The following FARS2 variants were observed in gnomAD, a reference collection of about 807,000 sequenced individuals.
The protein encoded by FARS2 is phenylalanine--tRNA ligase, mitochondrial.
Under a neutral mutation model 46.4 loss-of-function variants are expected in FARS2, and 40 were observed. That is an observed-to-expected ratio of 0.86 (90% CI 0.67 to 1.12). The LOEUF is 1.12. FARS2 is among the 50% of genes most tolerant of loss of function. The pLI, the probability that FARS2 is intolerant of heterozygous loss-of-function variation, is 0.00. For synonymous variants in FARS2, 234 were observed against 214.9 expected (o/e 1.09, Z -0.78); for missense variants, 513 against 567.9 (o/e 0.90, Z 0.98).
Position 5,478,738 on chromosome 6 carries a change from T to C in FARS2, c.904+47566T>C, listed in dbSNP as rs547316657. 3.3e-5 allele frequency among the ~76,000 whole-genome samples: 5 copies of C among 152,252 alleles called. No homozygotes were observed. In the South Asian group the frequency reaches 1.0e-3, roughly 32 times the overall value. Reference sequence around the variant, plus strand: ...GCTTCCCTGGCTTCCCCCAAATTAGTGCTCTTCGGGCTGTGTATACCTAGT... The same window carrying C: ...GCTTCCCTGGCTTCCCCCAAATTAGCGCTCTTCGGGCTGTGTATACCTAGT... On this transcript the variant is annotated intron_variant, in intron 4 of 6. Transcript: ENST00000274680.
At chr6:5,366,687 G>C (rs1253479424) in intron 1 of FARS2, among the ~76,000 whole-genome samples, 1 of 152,160 alleles carries the variant, frequency 6.6e-6, no homozygotes, top group African/African-American at 2.4e-5. Context: ...CTGGAAACTG[G>C]GAAGGAAAAG....
chr6:5,387,504 G>A (rs531752763), intron 2 of FARS2, among the ~76,000 whole-genome samples: 6 of 152,338 alleles, frequency 3.9e-5, no homozygotes, highest in South Asian at 2.1e-4. Context: ...TGAAAGTAGC[G>A]TGGGAGGGAT....
rs913430429 is a variant in FARS2, at chr6:5,663,074, C to G, written c.1217+49754C>G. ...TGGGAAACACTTATTGTTTTAGTCA[C>G]ATACAACTCTAAAAGGAGGTGATTC... On this transcript the variant is annotated intron_variant, in intron 6 of 6. Coordinates refer to ENST00000274680, the MANE Select transcript of FARS2 (RefSeq NM_006567.5). 3.9e-5 allele frequency among the ~76,000 whole-genome samples: 6 copies of G among 152,160 alleles called. No homozygotes were observed. The South Asian group carries it at 6.2e-4, about 16-fold the overall frequency.
At chr6:5,544,529 A>G (rs1770840915) in intron 4 of FARS2, among the ~76,000 whole-genome samples, 1 of 152,184 alleles carries the variant, frequency 6.6e-6, no homozygotes, top group African/African-American at 2.4e-5. Context: ...CAGTTTGTGA[A>G]GTAAACCCTT....
intron 6 of FARS2, among the ~76,000 whole-genome samples, chr6:5,671,287 G>T (rs1778443040): frequency 6.6e-6 from 1 of 152,200 alleles, no homozygotes; most frequent in Non-Finnish European, 1.5e-5. Flanking sequence ...TTCAGAGCAT[G>T]ACGTAAGAGT....
rs73718362 is a variant in FARS2, at chr6:5,695,955, A to G, written c.1218-75336A>G. ...ACGAGACATACAGACTGCTGTGAAC[A>G]TGGGACAGGATGCTCAGCCTCACTC... On this transcript the variant is annotated intron_variant, in intron 6 of 6. Transcript: ENST00000274680. 7.6e-3 allele frequency among the ~76,000 whole-genome samples: 1,160 copies of G among 152,366 alleles called. 20 individuals carry two copies. The highest frequency in any genetic ancestry group is 0.025 in the African/African-American group (1,019 of 41,586).
intron 6 of FARS2, among the ~76,000 whole-genome samples, chr6:5,648,840 T>G (rs1017316109): frequency 3.9e-5 from 6 of 152,172 alleles, no homozygotes; most frequent in Admixed American, 2.6e-4. Flanking sequence ...GCAAACACCT[T>G]TTGTGGGAAG....
chr6:5,700,713 C>T (rs893173031), intron 6 of FARS2, among the ~76,000 whole-genome samples: 2 of 152,188 alleles, frequency 1.3e-5, no homozygotes, highest in Admixed American at 1.3e-4. Context: ...CACTGCTTCA[C>T]CTCCACCTGT....
chr6:5,593,572 G>A (rs1774039843), intron 5 of FARS2, among the ~76,000 whole-genome samples: 1 of 152,160 alleles, frequency 6.6e-6, no homozygotes, highest in African/African-American at 2.4e-5. Flanking sequence ...CTCCTGTGTG[G>A]TTTGTCACAT....
intron 1 of FARS2, among the ~76,000 whole-genome samples, chr6:5,271,802 G>A (rs1765975393): frequency 6.6e-6 from 1 of 151,892 alleles, no homozygotes; most frequent in Non-Finnish European, 1.5e-5. Flanking sequence ...ACCTTGTAAT[G>A]TGCCCACCTC....
At chr6:5,460,161 G>A (rs1765162254) in intron 4 of FARS2, among the ~76,000 whole-genome samples, 1 of 151,790 alleles carries the variant, frequency 6.6e-6, no homozygotes, top group Admixed American at 6.6e-5. Flanking sequence ...GTCTTTTTTT[G>A]TCTGCTTAGT....
In FARS2 at chr6:5,263,176, T is replaced by C. The variant is rs1332127602; in HGVS notation, c.-22+1516T>C. 3.9e-5 allele frequency among the ~76,000 whole-genome samples: 6 copies of C among 152,224 alleles called. No individual in the cohort carries two copies. In the East Asian group the frequency reaches 1.2e-3, roughly 29 times the overall value. ...GAGTAAAGTTGGAATAATTACTATATACAATTGTTTCTACCTAATTATCAA... is the reference window on the plus strand; with the variant it reads ...GAGTAAAGTTGGAATAATTACTATACACAATTGTTTCTACCTAATTATCAA... On this transcript the variant is annotated intron_variant, in intron 1 of 6. Transcript: ENST00000274680.
At chr6:5,395,787 T>G (rs1205920345) in intron 2 of FARS2, among the ~76,000 whole-genome samples, 1 of 152,206 alleles carries the variant, frequency 6.6e-6, no homozygotes, top group Non-Finnish European at 1.5e-5. Context: ...TCCTTTCCTA[T>G]TCCTCTTTTT....
chr6:5,533,454 G>A (rs1047864123), intron 4 of FARS2, among the ~76,000 whole-genome samples: 1 of 152,174 alleles, frequency 6.6e-6, no homozygotes, highest in Non-Finnish European at 1.5e-5. Flanking sequence ...GGAAAATCTT[G>A]AAACCTTTCC....
At chr6:5,258,116 A>G (rs1436503069), upstream of FARS2, among the ~76,000 whole-genome samples, 1 of 152,210 alleles carries the variant, frequency 6.6e-6, no homozygotes, top group Non-Finnish European at 1.5e-5. Context: ...GACGTGGCAC[A>G]TTTAGGAAAC....
intron 6 of FARS2, among the ~76,000 whole-genome samples, chr6:5,701,889 T>G (rs1758462366): frequency 6.6e-6 from 1 of 152,250 alleles, no homozygotes; most frequent in African/African-American, 2.4e-5. Context: ...TTACTCATTT[T>G]TATTAACATA....
intron 6 of FARS2, among the ~76,000 whole-genome samples, chr6:5,623,711 C>CA (rs200176209): frequency 3.1e-4 from 38 of 122,694 alleles, no homozygotes; most frequent in Admixed American, 5.0e-4. Context: ...GACTGTGTCT[C>CA]AAAAAAAATA....
chr6:5,624,826 C>T (rs558775790), intron 6 of FARS2, among the ~76,000 whole-genome samples: 8 of 151,964 alleles, frequency 5.3e-5, no homozygotes, highest in Non-Finnish European at 7.4e-5. Context: ...GGGGCGGCCC[C>T]GCCCCCGCCC....
At chr6:5,301,469 G>A (rs890163214) in intron 1 of FARS2, among the ~76,000 whole-genome samples, 9 of 152,056 alleles carry the variant, frequency 5.9e-5, no homozygotes, top group African/African-American at 2.2e-4. Flanking sequence ...CAAAGAAGAT[G>A]GCAGCAAAGT....
Sources: gnomAD v4.1 joint callset for allele counts (sites outside exome capture counted in the v4.1 genomes callset) on GRCh38, gnomAD v4.1.1 for gene constraint, MANE v1.5 for transcripts, NCBI Gene and HGNC (gene_info 2026-07-23, HGNC 2026-07-21) for gene names.